The following DNAH12 variants were observed in gnomAD, a reference collection of about 807,000 sequenced individuals.
The protein encoded by DNAH12 is axonemal beta dynein heavy chain 12.
DNAH12 carries 285 observed loss-of-function variants against 371.5 expected under a neutral mutation model. The ratio of observed to expected loss-of-function variants is 0.77; its 90% CI spans 0.70 to 0.85. The LOEUF is 0.85. Ranked by LOEUF, DNAH12 falls within the 40% of genes least tolerant of loss-of-function variation. The pLI is 0.00. For synonymous variants in DNAH12, 1,200 were observed against 1,213.0 expected (o/e 0.99, Z 0.22); for missense variants, 3,611 against 3,689.4 (o/e 0.98, Z 0.55).
chr3:57,474,717 G>C (rs1182390609), intron 13 of DNAH12, among the ~76,000 whole-genome samples: 3 of 152,180 alleles, frequency 2.0e-5, no homozygotes, highest in Non-Finnish European at 4.4e-5. Flanking sequence ...CCAACACTTT[G>C]GGAGGCCAAG....
intron 66 of DNAH12, among the ~76,000 whole-genome samples, chr3:57,312,459 T>C (rs1197900127): frequency 6.6e-6 from 1 of 152,242 alleles, no homozygotes; most frequent in African/African-American, 2.4e-5. Context: ...GTCTTTCCAC[T>C]TAGCCCCATC....
chr3:57,352,301 C>G (rs1179102072), intron 59 of DNAH12, 76 bp from the exon 60 acceptor site: 2 of 1,389,988 alleles, frequency 1.4e-6, no homozygotes, highest in East Asian at 5.2e-5. Context: ...AACATATACA[C>G]TTTTTATTTT....
Position 57,524,177 on chromosome 3 carries a change from C to A in DNAH12, c.171-293G>T, listed in dbSNP as rs547815934. On this transcript the variant is annotated intron_variant, in intron 2 of 73. Transcript: ENST00000495027. ...AATAGTGGGCACTTATATGTATTAT[C>A]TCTGTTCAAATGTCTGCCGGTCTGT... Among the ~76,000 whole-genome samples, 3 of 152,238 alleles carry A rather than the reference C, an allele frequency of 2.0e-5. No homozygotes were observed. In the South Asian group the frequency reaches 6.2e-4, roughly 32 times the overall value.
rs114656036 is a variant in DNAH12 at position 57,315,119 on chromosome 3, G to A, written c.10525-488C>T. 7.2e-4 allele frequency among the ~76,000 whole-genome samples: 109 copies of A among 152,062 alleles called. 1 individual carries two copies. Among genetic ancestry groups the A allele is most frequent in the Non-Finnish European group, 1.3e-3 (91 of 67,996 alleles). Reference sequence around the variant, plus strand: ...ATTTGATCTGCTTTGTGGCATCCCCGTGTCTGTGATATGCATGTCACATGG... The same window carrying A: ...ATTTGATCTGCTTTGTGGCATCCCCATGTCTGTGATATGCATGTCACATGG... On this transcript the variant is annotated intron_variant, in intron 65 of 73. Coordinates refer to ENST00000495027, the MANE Select transcript of DNAH12 (RefSeq NM_001366028.2).
intron 59 of DNAH12, among the ~76,000 whole-genome samples, chr3:57,352,749 G>A (rs532907852): frequency 9.9e-5 from 15 of 152,022 alleles, no homozygotes; most frequent in East Asian, 3.9e-4. Flanking sequence ...ACATTTGCCC[G>A]CCCCAAAGAA....
intron 57 of DNAH12, among the ~76,000 whole-genome samples, chr3:57,364,229 A>G (rs1254196954): frequency 2.6e-5 from 4 of 152,206 alleles, no homozygotes; most frequent in African/African-American, 2.4e-5. Context: ...CAAAACATTT[A>G]TATCAAACAA....
intron 16 of DNAH12, among the ~76,000 whole-genome samples, 161 bp from the exon 17 acceptor site, chr3:57,469,140 A>G (rs919064413): frequency 1.5e-4 from 23 of 152,204 alleles, no homozygotes; most frequent in South Asian, 2.1e-4. Flanking sequence ...ATGGTAGAAA[A>G]GACAGAACTA....
rs62621233 is a variant in DNAH12 at position 57,323,486 on chromosome 3, C to A, written c.10112G>T (p.Gly3371Val). The change falls in exon 63 of 74, where the codon GGA becomes GTA. Residue 3371 changes from glycine (G) to valine (V), a missense_variant. Physicochemically the swap from Gly to Val is moderately radical, Grantham distance 109. This residue lies in a region of DNAH12 where 2,266 missense variants were observed against 2,236.9 expected (regional missense o/e 1.01). Transcript: ENST00000495027. ...GCACTTACTGGCCATAGGATCTGCT[C>A]CTGGAGATAGAACAAAAATTAAGGG... ...TIPLIFVLSP[G>V]ADPMASLLKF... is the part of the protein sequence containing the mutation. 1.1e-3 allele frequency: 1,700 copies of A among 1,549,016 alleles called. 20 individuals are homozygous for A. The African/African-American group carries it at 0.021, about 19-fold the overall frequency.
intron 55 of DNAH12, among the ~76,000 whole-genome samples, chr3:57,369,547 T>A (rs2063127205): frequency 6.6e-6 from 1 of 151,934 alleles, no homozygotes; most frequent in Non-Finnish European, 1.5e-5. Flanking sequence ...CAAAACTAGC[T>A]GACTAGATGT....
chr3:57,544,688 T>C (rs2069444175), upstream of DNAH12, among the ~76,000 whole-genome samples: 1 of 152,182 alleles, frequency 6.6e-6, no homozygotes, highest in African/African-American at 2.4e-5. Flanking sequence ...CCTGTAAATA[T>C]TGTAACTAAT....
chr3:57,360,146 T>A (rs879231397), intron 58 of DNAH12, among the ~76,000 whole-genome samples: 116,812 of 151,464 alleles, frequency 0.77, 45,622 homozygotes, highest in African/African-American at 0.87. Flanking sequence ...AGGGAACAAG[T>A]AGCAGCTTGT....
chr3:57,296,999 C>T lies in DNAH12; in HGVS notation c.11395-15G>A, dbSNP rs201274393. ...TTATACCAGTCCTACAAAGGGAAAA[C>T]AAAACACATTATGTCAGTTTTTAAA... On this transcript the variant is annotated splice_polypyrimidine_tract_variant and intron_variant, in intron 70 of 73. Coordinates refer to ENST00000495027, the MANE Select transcript of DNAH12 (RefSeq NM_001366028.2). The T allele has an allele frequency of 6.4e-7, 1 of 1,550,552 alleles. No homozygotes were observed. The highest frequency in any genetic ancestry group is 2.0e-5 in the Admixed American group (1 of 50,804).
At position 57,403,427 on chromosome 3, in the gene DNAH12, A is replaced by C. The variant is rs1464228429; in HGVS notation, c.6830T>G (p.Leu2277Arg). 1 of 1,551,466 alleles carries C rather than the reference A, an allele frequency of 6.4e-7. No homozygotes were observed. The highest frequency in any genetic ancestry group is 8.7e-7 in the Non-Finnish European group (1 of 1,146,914). Residue 2277 changes from leucine (L) to arginine (R), a missense_variant, in exon 43 of 74, where the codon CTT (leucine) becomes CGT (arginine). By Grantham distance (102) the Leu-to-Arg change is moderately radical. Coordinates refer to ENST00000495027, the MANE Select transcript of DNAH12 (RefSeq NM_001366028.2). Reference protein sequence around the residue: ...QSGGNALLVGLGGSGRQSLTR... With the variant: ...QSGGNALLVGRGGSGRQSLTR... The stretch of plus-strand genomic sequence containing the variant: ...TAAAGATTGACGACCACTTCCTCCA[A>C]GACCAACAAGCAAAGCATTTCCACC...
chr3:57,536,301 C>G (rs2069043136), intron 2 of DNAH12: 1 of 152,040 alleles, frequency 6.6e-6, no homozygotes, highest in Non-Finnish European at 1.5e-5. Context: ...GCGCAGACAC[C>G]TTACTAATCT....
At chr3:57,433,565 A>C (rs2065019272) in intron 31 of DNAH12, 58 bp from the exon 32 acceptor site, 1 of 1,538,142 alleles carries the variant, frequency 6.5e-7, no homozygotes, top group African/African-American at 1.4e-5. Context: ...TTTAGGAGTA[A>C]AACTATGAAA....
intron 57 of DNAH12, among the ~76,000 whole-genome samples, chr3:57,364,425 G>A (rs1315338765): frequency 6.6e-6 from 1 of 152,092 alleles, no homozygotes; most frequent in Non-Finnish European, 1.5e-5. Flanking sequence ...TTAGATTCAA[G>A]TGAAATCAGA....
intron 2 of DNAH12, among the ~76,000 whole-genome samples, chr3:57,542,160 G>T (rs866075790): frequency 6.7e-5 from 8 of 119,432 alleles, no homozygotes; most frequent in South Asian, 2.7e-4. Context: ...TAAACTGGGG[G>T]GGGGGGGGGC....
chr3:57,499,959 A>G (rs2067476654), intron 11 of DNAH12, among the ~76,000 whole-genome samples: 3 of 151,986 alleles, frequency 2.0e-5, no homozygotes, highest in African/African-American at 7.2e-5. Flanking sequence ...GAAATATGCC[A>G]GTTTTAACCA....
At chr3:57,513,563 T>A (rs141639864) in intron 4 of DNAH12, among the ~76,000 whole-genome samples, 8 of 152,358 alleles carry the variant, frequency 5.3e-5, no homozygotes, top group African/African-American at 1.9e-4. Flanking sequence ...TGGTTTTATG[T>A]TATGTGTATT....
Sources: gnomAD v4.1 joint callset for allele counts (sites outside exome capture counted in the v4.1 genomes callset) on GRCh38, gnomAD v4.1.1 for gene constraint, gnomAD v4.1.1 regional missense constraint, MANE v1.5 for transcripts, NCBI Gene and HGNC (gene_info 2026-07-23, HGNC 2026-07-21) for gene names.